SLC35F4: variants seen among roughly 807,000 people sequenced by gnomAD.
SLC35F4 encodes solute carrier family 35 member F4.
SLC35F4 carries 24 observed loss-of-function variants against 44.2 expected under a neutral mutation model. The observed-to-expected ratio is 0.54, with a 90% CI of 0.39 to 0.76. The LOEUF is 0.76. Among genes scored for constraint, SLC35F4 ranks in the 30% least tolerant of loss-of-function variants. The pLI, the probability that SLC35F4 is intolerant of heterozygous loss-of-function variation, is 0.00. For synonymous variants in SLC35F4, 238 were observed against 223.6 expected, an observed-to-expected ratio of 1.06 and a Z score of -0.57; for missense variants, 562 against 586.1, an observed-to-expected ratio of 0.96 and a Z score of 0.42.
chr14:57,877,180 C>A (rs781169393), intron 1 of SLC35F4, among the ~76,000 whole-genome samples: 1 of 152,248 alleles, frequency 6.6e-6, no homozygotes, highest in South Asian at 2.1e-4. Context: ...CTCAAGCAGG[C>A]TCCATTGTCT....
intron 1 of SLC35F4, among the ~76,000 whole-genome samples, chr14:57,609,238 A>G (rs1329744623): frequency 6.6e-6 from 1 of 152,186 alleles, no homozygotes; most frequent in African/African-American, 2.4e-5. Flanking sequence ...ATTAGAAAAA[A>G]ATGATCTTTT....
chr14:57,789,592 T>C (rs901467722), intron 1 of SLC35F4, among the ~76,000 whole-genome samples: 17 of 152,182 alleles, frequency 1.1e-4, no homozygotes, highest in Non-Finnish European at 2.4e-4. Flanking sequence ...TACCATTCCT[T>C]TTGAAACTAT....
At chr14:57,939,617 G>C (rs146269433) in intron 1 of SLC35F4, among the ~76,000 whole-genome samples, 1 of 152,302 alleles carries the variant, frequency 6.6e-6, no homozygotes, top group South Asian at 2.1e-4. Context: ...GGCTATCTGA[G>C]AAGCTGAGCA....
At chr14:57,930,198 T>G (rs1382588793) in intron 1 of SLC35F4, among the ~76,000 whole-genome samples, 1 of 152,220 alleles carries the variant, frequency 6.6e-6, no homozygotes, top group Admixed American at 6.5e-5. Flanking sequence ...TCAGTGTGAT[T>G]TCCTTCCTTG....
intron 1 of SLC35F4, among the ~76,000 whole-genome samples, chr14:57,764,946 T>C (rs1244827707): frequency 6.6e-6 from 1 of 152,200 alleles, no homozygotes. Context: ...ATAAAAATTA[T>C]TGGAAATCCT....
intron 3 of SLC35F4, among the ~76,000 whole-genome samples, chr14:57,588,663 CAA>C (rs1447004432): frequency 1.3e-5 from 2 of 152,156 alleles, no homozygotes; most frequent in Admixed American, 6.5e-5. Flanking sequence ...ATCTAGGCAG[CAA>C]AGAGTGGCAT....
At chr14:57,741,486 A>G (rs1177621919) in intron 1 of SLC35F4, among the ~76,000 whole-genome samples, 2 of 152,188 alleles carry the variant, frequency 1.3e-5, no homozygotes, top group Non-Finnish European at 2.9e-5. Flanking sequence ...AAGAAAGGGT[A>G]TCAGTGATGG....
In SLC35F4 at chr14:57,807,255, C is replaced by CTA. The variant is rs745830525; in HGVS notation, c.103+58467_103+58468insTA. Among the ~76,000 whole-genome samples, 79 of 149,556 alleles carry CTA rather than the reference C, an allele frequency of 5.3e-4. 1 individual carries two copies. The highest frequency in any genetic ancestry group is 3.9e-4 in the Admixed American group (6 of 15,216). On this transcript the variant is annotated intron_variant, in intron 1 of 7. Coordinates refer to ENST00000556826, the MANE Select transcript of SLC35F4 (RefSeq NM_001306087.2). ...TTCCTCTTGAGAGCATGAGTTCTCT[C>CTA]TGCTCCTTCACATCCAAAGCCTTCA...
chr14:57,675,659 A>T (rs552465358), intron 1 of SLC35F4, among the ~76,000 whole-genome samples: 7 of 151,960 alleles, frequency 4.6e-5, no homozygotes, highest in Admixed American at 2.0e-4. Flanking sequence ...TTTGTCATAT[A>T]TTGCTTTTAT....
At chr14:57,890,397 T>A (rs1285376398) in intron 1 of SLC35F4, among the ~76,000 whole-genome samples, 1 of 152,224 alleles carries the variant, frequency 6.6e-6, no homozygotes, top group Non-Finnish European at 1.5e-5. Flanking sequence ...ACATAGTTTT[T>A]ACAGTAACCC....
intron 1 of SLC35F4, among the ~76,000 whole-genome samples, chr14:57,828,734 T>C (rs916356855): frequency 6.6e-6 from 1 of 152,158 alleles, no homozygotes; most frequent in Non-Finnish European, 1.5e-5. Flanking sequence ...GGATAGGAGT[T>C]GGACTGTTCT....
rs1888098183 is a variant in SLC35F4 at position 57,865,642 on chromosome 14, C to T, written c.103+81G>A. On this transcript the variant is annotated intron_variant, in intron 1 of 7. Coordinates refer to ENST00000556826, the MANE Select transcript of SLC35F4 (RefSeq NM_001306087.2). Reference sequence around the variant, plus strand: ...GCTGCAGGTGTCCGTACCGCGCGCCCGCCCGTCCGCATCCCCGCGGCACCC... The same window carrying T: ...GCTGCAGGTGTCCGTACCGCGCGCCTGCCCGTCCGCATCCCCGCGGCACCC... The T allele has an allele frequency of 2.2e-5, 27 of 1,227,638 alleles. No individual in the cohort carries two copies. In the South Asian group the frequency reaches 4.0e-4, roughly 18 times the overall value. 76.0% of individuals were successfully genotyped at this position (1,227,638 alleles called of 1,614,324 possible). A position where few individuals can be genotyped will look rare whatever the true frequency, so the allele number is the denominator to read the frequency against.
intron 1 of SLC35F4, among the ~76,000 whole-genome samples, chr14:57,682,514 G>A (rs2074939100): frequency 6.6e-6 from 1 of 152,042 alleles, no homozygotes; most frequent in Non-Finnish European, 1.5e-5. Flanking sequence ...GGGAGGGATA[G>A]CATTAGGAGA....
chr14:57,716,570 A>C (rs2075950073), intron 1 of SLC35F4, among the ~76,000 whole-genome samples: 1 of 152,172 alleles, frequency 6.6e-6, no homozygotes, highest in Non-Finnish European at 1.5e-5. Flanking sequence ...ATTACTCAAA[A>C]ATCCACTTCC....
chr14:57,958,660 A>G (rs1890286914), intron 1 of SLC35F4, among the ~76,000 whole-genome samples: 1 of 152,218 alleles, frequency 6.6e-6, no homozygotes, highest in South Asian at 2.1e-4. Context: ...TATGTGAATT[A>G]TATCTCAACT....
intron 1 of SLC35F4, chr14:57,630,161 G>A (rs963406224): frequency 1.8e-6 from 1 of 558,340 alleles, no homozygotes; most frequent in Non-Finnish European, 3.6e-6. Flanking sequence ...AGTTTGCCTA[G>A]GGGGATCAGA....
At chr14:57,570,059 G>C in intron 5 of SLC35F4, 79 bp from the exon 6 acceptor site, 1 of 1,311,850 alleles carries the variant, frequency 7.6e-7, no homozygotes, top group Non-Finnish European at 1.0e-6. Flanking sequence ...TCCATACTGT[G>C]AGCTAACTGG....
chr14:57,899,285 TAAG>T (rs1419881786), intron 1 of SLC35F4, among the ~76,000 whole-genome samples: 11 of 152,216 alleles, frequency 7.2e-5, no homozygotes, highest in Admixed American at 1.3e-4. Context: ...GTTTTTCACA[TAAG>T]AAGTCTGAGG....
chr14:57,937,645 G>GA (rs1319830615), intron 1 of SLC35F4, among the ~76,000 whole-genome samples: 1 of 116,502 alleles, frequency 8.6e-6, no homozygotes, highest in South Asian at 2.7e-4. Context: ...GAAAAGAAAA[G>GA]AAAAGAAAAA....
Sources: gnomAD v4.1 joint callset for allele counts (sites outside exome capture counted in the v4.1 genomes callset) on GRCh38, gnomAD v4.1.1 for gene constraint, MANE v1.5 for transcripts, NCBI Gene and HGNC (gene_info 2026-07-23, HGNC 2026-07-21) for gene names.